The following CAST variants were observed in gnomAD, a reference collection of about 807,000 sequenced individuals.
CAST encodes calpastatin.
Under a neutral mutation model 119.6 loss-of-function variants are expected in CAST, and 76 were observed. The observed-to-expected ratio is 0.64, with a 90% CI of 0.53 to 0.77. The LOEUF (loss-of-function observed/expected upper bound fraction) is 0.77. CAST is among the 30% of genes least tolerant of loss of function. The pLI is 0.00. For synonymous variants in CAST, 319 were observed against 331.6 expected (o/e 0.96, Z 0.41); for missense variants, 953 against 946.5 (o/e 1.01, Z -0.09).
At chr5:96,423,094 C>T in the CAST span, among the ~76,000 whole-genome samples, 1 of 152,144 alleles carries the variant, frequency 6.6e-6, no homozygotes, top group South Asian at 2.1e-4. Context: ...AACACATATA[C>T]TTTTGTACAA....
the CAST span, among the ~76,000 whole-genome samples, chr5:95,982,438 CT>C: frequency 2.0e-5 from 3 of 152,044 alleles, no homozygotes; most frequent in African/African-American, 7.2e-5. Context: ...TGTGCTGTTG[CT>C]TTATTGAGGG....
At chr5:96,138,184 G>A in the CAST span, among the ~76,000 whole-genome samples, 1 of 151,766 alleles carries the variant, frequency 6.6e-6, no homozygotes, top group Non-Finnish European at 1.5e-5. Context: ...ATGAATTTAG[G>A]TTCTTTTTTT....
At chr5:96,751,472 G>C (rs1765029809) in intron 20 of CAST, among the ~76,000 whole-genome samples, 1 of 152,146 alleles carries the variant, frequency 6.6e-6, no homozygotes, top group Admixed American at 6.5e-5. Context: ...TGATCCACTT[G>C]ATATTTCAGA....
In CAST at chr5:96,638,257, T is replaced by A. The variant is rs567048430; in HGVS notation, c.61-37282T>A. ...CCTGCCTCTATTAAAAAAAAAAAAATTAGCCAGCCGTGGTGGTACACGCCT... is the reference window on the plus strand; with the variant it reads ...CCTGCCTCTATTAAAAAAAAAAAAAATAGCCAGCCGTGGTGGTACACGCCT... On this transcript the variant is annotated intron_variant, in intron 1 of 11. Transcript: ENST00000505143. Among the ~76,000 whole-genome samples, 55 of 150,884 alleles carry A rather than the reference T, an allele frequency of 3.6e-4. No homozygotes were observed. In the South Asian group the frequency reaches 0.011, roughly 31 times the overall value.
chr5:96,346,112 C>T, the CAST span, among the ~76,000 whole-genome samples: 2 of 152,126 alleles, frequency 1.3e-5, no homozygotes, highest in Admixed American at 6.5e-5. Context: ...TAACATCCTC[C>T]GATTGCAAAA....
chr5:96,436,836 G>T, the CAST span, among the ~76,000 whole-genome samples: 3 of 152,180 alleles, frequency 2.0e-5, no homozygotes, highest in South Asian at 2.1e-4. Flanking sequence ...CCTGCCAGAA[G>T]TCCCTGAATT....
In CAST at chr5:96,757,668, T is replaced by C. The variant is rs138169335; in HGVS notation, c.1833+14T>C. 3.4e-4 allele frequency: 525 copies of C among 1,546,908 alleles called. 2 individuals carry two copies. The African/African-American group carries it at 6.8e-3, about 20-fold the overall frequency. On this transcript the variant is annotated intron_variant, in intron 24 of 31. Coordinates refer to ENST00000675179, the MANE Select transcript of CAST (RefSeq NM_001750.7). The stretch of plus-strand genomic sequence containing the variant: ...GCTTCATCTCTTGTAAGTCCAAAAC[T>C]CTTGGTTTTATTTCTTTAGTTTTTT...
At chr5:96,500,132 T>A in the CAST span, among the ~76,000 whole-genome samples, 163 of 152,266 alleles carry the variant, frequency 1.1e-3, 1 homozygote, top group Non-Finnish European at 1.7e-3. Flanking sequence ...TGATCACAGA[T>A]CACTATAACA....
At chr5:96,442,013 C>A in the CAST span, among the ~76,000 whole-genome samples, 5 of 152,290 alleles carry the variant, frequency 3.3e-5, no homozygotes, top group African/African-American at 9.6e-5. Flanking sequence ...ATTGGCTTCT[C>A]ACTACACCAT....
the CAST span, among the ~76,000 whole-genome samples, chr5:96,189,273 G>A: frequency 6.6e-6 from 1 of 152,152 alleles, no homozygotes; most frequent in African/African-American, 2.4e-5. Flanking sequence ...AGGATTTGGT[G>A]AGGGGGAGGG....
At chr5:96,533,208 T>C (rs1214196752) in intron 1 of CAST, among the ~76,000 whole-genome samples, 4 of 152,150 alleles carry the variant, frequency 2.6e-5, no homozygotes, top group African/African-American at 9.7e-5. Context: ...CTTTTATATA[T>C]GCAAGGACTC....
At chr5:96,710,078 C>CA (rs1375656880) in intron 3 of CAST, among the ~76,000 whole-genome samples, 1 of 152,132 alleles carries the variant, frequency 6.6e-6, no homozygotes, top group Non-Finnish European at 1.5e-5. Context: ...TACTTCAGGG[C>CA]AAGCATGTAT....
the CAST span, among the ~76,000 whole-genome samples, chr5:96,113,353 C>T: frequency 6.6e-6 from 1 of 152,098 alleles, no homozygotes; most frequent in East Asian, 1.9e-4. Flanking sequence ...TTTAATTTAT[C>T]TGAATTAAGT....
chr5:96,412,270 C>A, the CAST span: 3 of 1,456,108 alleles, frequency 2.1e-6, no homozygotes, highest in South Asian at 2.3e-5. Flanking sequence ...CTCCTCATAT[C>A]CAGATGGTCA....
At chr5:96,191,497 C>T in the CAST span, among the ~76,000 whole-genome samples, 1 of 152,338 alleles carries the variant, frequency 6.6e-6, no homozygotes, top group South Asian at 2.1e-4. Context: ...AGCCAAGATT[C>T]AAATTTCATC....
intron 1 of CAST, among the ~76,000 whole-genome samples, chr5:96,633,618 A>C (rs155041): frequency 0.47 from 70,806 of 152,028 alleles, 18,021 homozygotes; most frequent in African/African-American, 0.68. Flanking sequence ...GTATTATAAC[A>C]TATTACAATA....
chr5:96,552,753 A>C (rs1306411640), intron 1 of CAST, among the ~76,000 whole-genome samples: 1 of 152,220 alleles, frequency 6.6e-6, no homozygotes, highest in Non-Finnish European at 1.5e-5. Flanking sequence ...ACAGAAATAC[A>C]CACTATGATC....
the CAST span, chr5:96,079,159 G>A: frequency 6.1e-5 from 29 of 475,418 alleles, no homozygotes; most frequent in East Asian, 1.7e-3. Context: ...TAACCAAAGA[G>A]GAAGGTCCCA....
At chr5:96,429,262 G>A in the CAST span, 1 of 1,604,412 alleles carries the variant, frequency 6.2e-7, no homozygotes, top group East Asian at 2.2e-5. Flanking sequence ...ACTCCTTCGA[G>A]ACCTTCTGGG....
Sources: gnomAD v4.1 joint callset for allele counts (sites outside exome capture counted in the v4.1 genomes callset) on GRCh38, gnomAD v4.1.1 for gene constraint, MANE v1.5 for transcripts, NCBI Gene and HGNC (gene_info 2026-07-23, HGNC 2026-07-21) for gene names.